Variants in SYNE2 observed in about 807,000 individuals in gnomAD.
The protein encoded by SYNE2 is spectrin repeat containing nuclear envelope protein 2.
A neutral mutation model predicts 856.3 loss-of-function variants in SYNE2; 431 were observed. The observed-to-expected ratio is 0.50, with a 90% confidence interval of 0.47 to 0.55. The LOEUF (loss-of-function observed/expected upper bound fraction) is 0.55. SYNE2 is among the 20% of genes least tolerant of loss of function. The pLI is 0.00. For missense variants in SYNE2, 8,129 were observed against 8,023.2 expected (o/e 1.01, Z -0.50); for synonymous variants, 2,923 against 2,872.3 (o/e 1.02, Z -0.56).
intron 111 of SYNE2, 141 bp downstream of exon 111, chr14:64,220,778 T>C: frequency 9.5e-7 from 1 of 1,056,884 alleles, no homozygotes; most frequent in Non-Finnish European, 1.4e-6. Flanking sequence ...TTACCATTTG[T>C]TTCCACAGAG....
chr14:63,879,411 C>T (rs1408256847), intron 1 of SYNE2, among the ~76,000 whole-genome samples: 1 of 152,122 alleles, frequency 6.6e-6, no homozygotes, highest in African/African-American at 2.4e-5. Context: ...TCCAGGAGGC[C>T]ATGAATCCTT....
intron 11 of SYNE2, 65 bp from the exon 12 acceptor site, chr14:63,976,498 T>C: frequency 6.5e-7 from 1 of 1,527,894 alleles, no homozygotes. Context: ...ACATACTGTA[T>C]GTGAAGAAAT....
At chr14:63,911,545 T>C (rs535333696) in intron 2 of SYNE2, among the ~76,000 whole-genome samples, 2 of 152,230 alleles carry the variant, frequency 1.3e-5, no homozygotes, top group East Asian at 3.9e-4. Context: ...TCTTTGACAA[T>C]TGAGAAAGAG....
intron 111 of SYNE2, 190 bp from the exon 112 acceptor site, chr14:64,221,386 A>T: frequency 9.8e-7 from 1 of 1,018,506 alleles, no homozygotes; most frequent in Non-Finnish European, 1.5e-6. Flanking sequence ...CACTGTGCTG[A>T]GTGTCTTCCT....
intron 1 of SYNE2, among the ~76,000 whole-genome samples, chr14:63,795,937 A>G (rs535168194): frequency 1.3e-5 from 2 of 152,372 alleles, no homozygotes; most frequent in South Asian, 2.1e-4. Flanking sequence ...AGGCAAATTT[A>G]TAGAAACAGA....
chr14:64,067,807 T>C (rs1195144629), intron 51 of SYNE2, among the ~76,000 whole-genome samples: 1 of 152,242 alleles, frequency 6.6e-6, no homozygotes, highest in African/African-American at 2.4e-5. Flanking sequence ...GAATCATCAT[T>C]TTATGCTTCA....
chr14:63,909,160 T>A lies in SYNE2; in HGVS notation c.12T>A (p.Ser4Arg). ...CATTGAGTCAAAGAATGGCATCTAGTCCTGAGCTTCCCACCGAAGATGAAC... is the reference window on the plus strand; with the variant it reads ...CATTGAGTCAAAGAATGGCATCTAGACCTGAGCTTCCCACCGAAGATGAAC... MAS[S>R]PELPTEDEQG... The change falls in exon 2 of 116, where the codon AGT becomes AGA. Residue 4 changes from serine to arginine, a missense_variant. Coordinates refer to ENST00000555002, the MANE Select transcript of SYNE2 (RefSeq NM_182914.3). 1 of 1,611,956 alleles carries A rather than the reference T, an allele frequency of 6.2e-7. No homozygotes were observed.
At chr14:63,803,428 C>T (rs1353143405) in intron 1 of SYNE2, among the ~76,000 whole-genome samples, 1 of 152,224 alleles carries the variant, frequency 6.6e-6, no homozygotes, top group African/African-American at 2.4e-5. Context: ...GCAGCTAAGG[C>T]TCGGTGAGAA....
At chr14:63,908,314 A>T (rs555777701) in intron 1 of SYNE2, among the ~76,000 whole-genome samples, 1 of 152,194 alleles carries the variant, frequency 6.6e-6, no homozygotes, top group African/African-American at 2.4e-5. Context: ...CCCTATGTAC[A>T]CCCCCAATCT....
chr14:64,093,236 G>A, intron 60 of SYNE2, 113 bp from the exon 61 acceptor site: 1 of 1,197,086 alleles, frequency 8.4e-7, no homozygotes, highest in Non-Finnish European at 1.2e-6. Flanking sequence ...AATCTCAATG[G>A]GTGCATATTT....
chr14:64,158,514 C>T, intron 85 of SYNE2, 111 bp from the exon 86 acceptor site: 1 of 1,160,542 alleles, frequency 8.6e-7, no homozygotes, highest in Non-Finnish European at 1.3e-6. Flanking sequence ...CACTGGTGAT[C>T]CTTCAATACT....
chr14:64,162,837 A>T (rs1013176401), intron 88 of SYNE2: 3 of 193,380 alleles, frequency 1.6e-5, no homozygotes, highest in Admixed American at 5.3e-5. Flanking sequence ...GTCAAATCAA[A>T]ACGTGGCAAC....
intron 51 of SYNE2, 90 bp downstream of exon 51, chr14:64,065,740 G>A: frequency 7.1e-7 from 1 of 1,412,708 alleles, no homozygotes. Context: ...TATAAAACGA[G>A]TCCTTAGCCT....
At chr14:63,974,863 T>G (rs1201438500) in intron 11 of SYNE2, among the ~76,000 whole-genome samples, 1 of 21,874 alleles carries the variant, frequency 4.6e-5, no homozygotes, top group African/African-American at 3.8e-4. Flanking sequence ...TGTGTGTGTG[T>G]GTGTGTGTGT....
At chr14:63,964,354 ACACC>A (rs1340337866) in intron 10 of SYNE2, among the ~76,000 whole-genome samples, 1 of 152,192 alleles carries the variant, frequency 6.6e-6, no homozygotes, top group Non-Finnish European at 1.5e-5. Flanking sequence ...GAACAGAGCC[ACACC>A]CATTTAAGTA....
At chr14:63,941,666 A>T in intron 3 of SYNE2, 29 bp from the exon 4 acceptor site, 3 of 1,588,866 alleles carry the variant, frequency 1.9e-6, no homozygotes, top group Non-Finnish European at 1.7e-6. Context: ...CAAAGTTTGA[A>T]TGATTATTTT....
At chr14:64,034,730 T>C (rs982431458) in intron 45 of SYNE2, 5 of 396,228 alleles carry the variant, frequency 1.3e-5, no homozygotes, top group Non-Finnish European at 2.2e-5. Flanking sequence ...TACTGCATAT[T>C]TTTATAGATG....
In SYNE2 at chr14:64,017,999, C is replaced by T. The variant is rs767576156; in HGVS notation, c.5049+243C>T. On this transcript the variant is annotated intron_variant, in intron 34 of 115. Coordinates refer to ENST00000555002, the MANE Select transcript of SYNE2 (RefSeq NM_182914.3). ...ATAATGGGGAAACGTGCTAGTATTA[C>T]GTATCACAAATTGTTTTTAATATTT... is the stretch of plus-strand genomic sequence containing the variant. Among the ~76,000 whole-genome samples the T allele has an allele frequency of 1.6e-4, 25 of 152,108 alleles. 1 individual carries two copies. The highest frequency in any genetic ancestry group is 2.2e-4 in the African/African-American group (9 of 41,400).
chr14:63,915,158 T>G (rs995264528), intron 2 of SYNE2, among the ~76,000 whole-genome samples: 4 of 152,184 alleles, frequency 2.6e-5, no homozygotes, highest in Admixed American at 2.6e-4. Flanking sequence ...GTGCTTAAAA[T>G]AAATTTTTAT....
Sources: allele counts gnomAD v4.1 joint callset (sites outside exome capture counted in the v4.1 genomes callset), GRCh38; gene constraint gnomAD v4.1.1; transcripts MANE v1.5; gene names NCBI Gene and HGNC (gene_info 2026-07-23, HGNC 2026-07-21).